TBCE: variants seen among roughly 807,000 people sequenced by gnomAD.
TBCE encodes the protein tubulin-specific chaperone E.
In TBCE, 53 loss-of-function variants were observed where a neutral mutation model predicts 77.0. The observed-to-expected ratio is 0.69, with a 90% CI of 0.55 to 0.87. The LOEUF is 0.87. TBCE is among the 40% of genes least tolerant of loss of function. TBCE has a pLI of 0.00. For missense variants in TBCE, 624 were observed against 622.4 expected (o/e 1.00, Z -0.03); for synonymous variants, 235 against 241.3 (o/e 0.97, Z 0.24).
At chr1:235,440,146 AT>A (rs1681762731) in intron 13 of TBCE, among the ~76,000 whole-genome samples, 1 of 151,772 alleles carries the variant, frequency 6.6e-6, no homozygotes, top group Non-Finnish European at 1.5e-5. Flanking sequence ...AATTTTTTGT[AT>A]TTTTAGTAGG....
chr1:235,386,141 G>A (rs1302299827), intron 2 of TBCE, among the ~76,000 whole-genome samples: 1 of 152,098 alleles, frequency 6.6e-6, no homozygotes, highest in African/African-American at 2.4e-5. Flanking sequence ...GTTGAATATT[G>A]GCTCCCACTC....
chr1:235,419,648 C>T (rs1680288390), intron 5 of TBCE, 87 bp downstream of exon 5: 1 of 1,560,270 alleles, frequency 6.4e-7, no homozygotes, highest in Non-Finnish European at 8.8e-7. Flanking sequence ...TACCCATTGT[C>T]CAGTCTTGAC....
intron 5 of TBCE, chr1:235,423,578 T>C (rs111593128): frequency 0.067 from 10,256 of 153,074 alleles, 657 homozygotes; most frequent in African/African-American, 0.17. Flanking sequence ...GTCAGGAAGC[T>C]AGGGCAGCCG....
intron 12 of TBCE, among the ~76,000 whole-genome samples, chr1:235,438,173 G>A (rs1681584924): frequency 1.3e-5 from 2 of 152,218 alleles, no homozygotes; most frequent in Middle Eastern, 3.2e-3. Context: ...CAGAGCAGGC[G>A]CCTCCAGGCA....
At position 235,372,088 on chromosome 1, in the gene TBCE, C is replaced by T. The variant is rs992455805; in HGVS notation, c.-32+4584C>T. Reference sequence around the variant, plus strand: ...CCTCGAACTCCTGGGCTCAGGTCATCCTCCAACCTAAGCCTCCCAAATACA... The same window carrying T: ...CCTCGAACTCCTGGGCTCAGGTCATTCTCCAACCTAAGCCTCCCAAATACA... On this transcript the variant is annotated intron_variant, in intron 1 of 16. Transcript: ENST00000642610. Among the ~76,000 whole-genome samples the T allele has an allele frequency of 1.8e-4, 27 of 152,160 alleles. 1 individual carries two copies. The highest frequency in any genetic ancestry group is 1.6e-3 in the Admixed American group (25 of 15,256).
In TBCE at chr1:235,380,000, G is replaced by T. The variant is rs1466491518; in HGVS notation, c.-31-19G>T. Reference sequence around the variant, plus strand: ...GGAATTGTATTAAGTTCTTATCAGTGTTGTATTTTTCTTCCTAGATCTCAT... The same window carrying T: ...GGAATTGTATTAAGTTCTTATCAGTTTTGTATTTTTCTTCCTAGATCTCAT... On this transcript the variant is annotated intron_variant, in intron 1 of 16. Coordinates refer to ENST00000642610, the MANE Select transcript of TBCE (RefSeq NM_003193.5). The T allele has an allele frequency of 2.1e-6, 3 of 1,416,354 alleles. No individual in the cohort carries two copies. The highest frequency in any genetic ancestry group is 3.0e-6 in the Non-Finnish European group (3 of 1,001,948). 87.7% of individuals were successfully genotyped at this position (1,416,354 alleles called of 1,614,324 possible).
intron 16 of TBCE, 67 bp downstream of exon 16, chr1:235,448,507 C>CTA: frequency 6.7e-7 from 1 of 1,483,256 alleles, no homozygotes; most frequent in Non-Finnish European, 9.4e-7. Flanking sequence ...ATTAAACTGT[C>CTA]TCTAGATAGC....
In TBCE at chr1:235,448,755, G is replaced by C. The variant is rs140662460; in HGVS notation, c.1577G>C (p.Arg526Pro). ...SVENGDCLLVRW is the reference protein window; with the variant it reads ...SVENGDCLLVPW ...GAAAATGGAGATTGTCTATTAGTGC[G>C]ATGGTGACAACCAACTAATAAAATT... Residue 526 changes from arginine (R) to proline (P), a missense_variant, in exon 17 of 17, where the codon CGA becomes CCA. Physicochemically the swap from Arg to Pro is moderately radical, Grantham distance 103. Transcript: ENST00000642610. The C allele has an allele frequency of 6.2e-7, 1 of 1,610,870 alleles. No individual in the cohort carries two copies.
At chr1:235,443,700 A>C (rs765875862) in intron 15 of TBCE, among the ~76,000 whole-genome samples, 3 of 152,092 alleles carry the variant, frequency 2.0e-5, no homozygotes, top group Non-Finnish European at 4.4e-5. Context: ...CTTACATTCT[A>C]CTTCTCCTGA....
At chr1:235,408,948 G>C (rs1679618867) in intron 3 of TBCE, among the ~76,000 whole-genome samples, 1 of 151,106 alleles carries the variant, frequency 6.6e-6, no homozygotes, top group Non-Finnish European at 1.5e-5. Context: ...AGTGTTGCCA[G>C]ATTCAGCAAA....
At chr1:235,399,723 C>G (rs537062543) in intron 2 of TBCE, among the ~76,000 whole-genome samples, 2 of 152,170 alleles carry the variant, frequency 1.3e-5, no homozygotes, top group Admixed American at 6.6e-5. Context: ...GTGAGCCGCT[C>G]CAGCAAATTA....
At chr1:235,448,026 TG>T (rs1682540095) in intron 15 of TBCE, among the ~76,000 whole-genome samples, 2 of 151,984 alleles carry the variant, frequency 1.3e-5, no homozygotes, top group Admixed American at 1.3e-4. Flanking sequence ...CTGGCCAACA[TG>T]GTGAAACCCC....
intron 2 of TBCE, among the ~76,000 whole-genome samples, chr1:235,389,106 A>G (rs1678213024): frequency 6.6e-6 from 1 of 152,246 alleles, no homozygotes; most frequent in African/African-American, 2.4e-5. Context: ...ATAAGTCCCA[A>G]TTCTTGAAGA....
At chr1:235,420,534 G>T in intron 5 of TBCE, among the ~76,000 whole-genome samples, 1 of 140,430 alleles carries the variant, frequency 7.1e-6, no homozygotes, top group East Asian at 2.1e-4. Context: ...CCAGGCTGCA[G>T]TGCAGTGGCG....
chr1:235,447,598 G>T (rs1402801622), intron 15 of TBCE, among the ~76,000 whole-genome samples: 1 of 152,086 alleles, frequency 6.6e-6, no homozygotes, highest in Non-Finnish European at 1.5e-5. Context: ...TTACAGAGGG[G>T]GAACTAAGGC....
At chr1:235,380,670 A>G (rs893648726) in intron 2 of TBCE, among the ~76,000 whole-genome samples, 2 of 151,934 alleles carry the variant, frequency 1.3e-5, no homozygotes, top group Non-Finnish European at 2.9e-5. Flanking sequence ...TATTACATTT[A>G]GTATAATATA....
At chr1:235,444,118 A>G (rs1682081237) in intron 15 of TBCE, among the ~76,000 whole-genome samples, 1 of 152,212 alleles carries the variant, frequency 6.6e-6, no homozygotes, top group South Asian at 2.1e-4. Flanking sequence ...ATTAGTTTCT[A>G]TCAGATAAAG....
chr1:235,389,526 T>A (rs910586600), intron 2 of TBCE, among the ~76,000 whole-genome samples: 1 of 151,572 alleles, frequency 6.6e-6, no homozygotes, highest in African/African-American at 2.4e-5. Context: ...AGAAACGGGG[T>A]TTCACCATGT....
At chr1:235,373,908 C>A (rs926453895) in intron 1 of TBCE, among the ~76,000 whole-genome samples, 4 of 146,046 alleles carry the variant, frequency 2.7e-5, no homozygotes, top group Non-Finnish European at 6.0e-5. Context: ...CTCGGCCTCC[C>A]AAAGTGCTGG....
Sources: gnomAD v4.1 joint callset for allele counts (sites outside exome capture counted in the v4.1 genomes callset) on GRCh38, gnomAD v4.1.1 for gene constraint, MANE v1.5 for transcripts, NCBI Gene and HGNC (gene_info 2026-07-23, HGNC 2026-07-21) for gene names.